Variants in GRM3 observed in about 807,000 individuals in gnomAD.
GRM3 encodes glutamate metabotropic receptor 3, also known as metabotropic glutamate receptor 3.
In GRM3, 26 loss-of-function variants were observed where a neutral mutation model predicts 70.5. That is an observed-to-expected ratio of 0.37 (90% CI 0.27 to 0.51). GRM3 has a LOEUF of 0.51. Among genes scored for constraint, GRM3 ranks in the 20% least tolerant of loss-of-function variants. The probability of loss-of-function intolerance (pLI) is 0.93; values close to 1 mark genes in which losing one functional copy is unlikely to be tolerated. For missense variants in GRM3, 859 were observed against 1,123.8 expected (o/e 0.76, Z 3.37); for synonymous variants, 443 against 434.9 (o/e 1.02, Z -0.23).
chr7:86,701,127 C>A (rs1402382275), intron 1 of GRM3, among the ~76,000 whole-genome samples: 1 of 151,716 alleles, frequency 6.6e-6, no homozygotes, highest in African/African-American at 2.4e-5. Context: ...ATAACAATAA[C>A]CTTTAGCCTA....
chr7:86,657,583 T>C (rs939199269), intron 1 of GRM3, among the ~76,000 whole-genome samples: 4 of 152,144 alleles, frequency 2.6e-5, no homozygotes, highest in African/African-American at 9.7e-5. Context: ...TCAGAGCAGA[T>C]AAAATGATGG....
At chr7:86,837,818 T>C (rs1292543924) in intron 3 of GRM3, among the ~76,000 whole-genome samples, 1 of 152,224 alleles carries the variant, frequency 6.6e-6, no homozygotes. Flanking sequence ...AAGCCTACCA[T>C]GAGTAACAGA....
intron 1 of GRM3, among the ~76,000 whole-genome samples, chr7:86,669,057 T>G (rs1794105357): frequency 6.6e-6 from 1 of 152,134 alleles, no homozygotes; most frequent in South Asian, 2.1e-4. Context: ...CATCTAAGAC[T>G]CAAGACTTTA....
chr7:86,734,266 G>T (rs781238487), intron 1 of GRM3, among the ~76,000 whole-genome samples: 16 of 152,124 alleles, frequency 1.1e-4, no homozygotes, highest in Non-Finnish European at 1.9e-4. Context: ...AGTGTATATT[G>T]TTCTAAGCCA....
At chr7:86,681,172 CATA>C (rs1474381325) in intron 1 of GRM3, among the ~76,000 whole-genome samples, 2 of 152,072 alleles carry the variant, frequency 1.3e-5, no homozygotes, top group East Asian at 1.9e-4. Flanking sequence ...TCCTGGCCAG[CATA>C]ATAAGACAAG....
intron 5 of GRM3, among the ~76,000 whole-genome samples, chr7:86,854,164 T>C (rs1306599736): frequency 2.0e-5 from 3 of 152,130 alleles, no homozygotes; most frequent in African/African-American, 7.2e-5. Context: ...TTATCAAGAA[T>C]TACAGTGACT....
At chr7:86,697,491 T>G (rs1434903053) in intron 1 of GRM3, among the ~76,000 whole-genome samples, 1 of 152,058 alleles carries the variant, frequency 6.6e-6, no homozygotes. Context: ...ACTTTGTTCC[T>G]TAAGAGAGAA....
chr7:86,856,089 G>A (rs1049955264), intron 5 of GRM3, among the ~76,000 whole-genome samples: 2 of 152,142 alleles, frequency 1.3e-5, no homozygotes, highest in South Asian at 4.1e-4. Context: ...TGCTTTCATG[G>A]AGAATATACC....
chr7:86,757,459 A>G (rs1796371731), intron 1 of GRM3, among the ~76,000 whole-genome samples: 1 of 152,186 alleles, frequency 6.6e-6, no homozygotes, highest in African/African-American at 2.4e-5. Flanking sequence ...GAGTACAGCC[A>G]GTCTTTCTAA....
At chr7:86,811,815 T>A (rs1332667464) in intron 3 of GRM3, among the ~76,000 whole-genome samples, 1 of 150,174 alleles carries the variant, frequency 6.7e-6, no homozygotes, top group African/African-American at 2.4e-5. Context: ...TTGATAATCA[T>A]CTGTATAATC....
chr7:86,651,649 A>G (rs1017023685), intron 1 of GRM3, among the ~76,000 whole-genome samples: 7 of 152,326 alleles, frequency 4.6e-5, no homozygotes, highest in Admixed American at 3.3e-4. Flanking sequence ...TGGAATCCAC[A>G]TATATGGACT....
At chr7:86,783,024 A>T (rs1350393732) in intron 2 of GRM3, among the ~76,000 whole-genome samples, 1 of 152,142 alleles carries the variant, frequency 6.6e-6, no homozygotes, top group Non-Finnish European at 1.5e-5. Context: ...CCAGTGTAGG[A>T]GTTCCTTTAT....
chr7:86,786,205 T>G lies in GRM3; in HGVS notation c.469-56T>G. On this transcript the variant is annotated intron_variant, in intron 2 of 5. Transcript: ENST00000361669. The surrounding 1 kb of genome is among the most constrained non-coding windows in gnomAD (Gnocchi z 6.0). ...GTGTGGATGCTATTATTCATTTTCA[T>G]GTCCAGTCATCTACCTCGGGGTTTC... 2.0e-6 allele frequency: 3 copies of G among 1,468,686 alleles called. No homozygotes were observed. The highest frequency in any genetic ancestry group is 2.8e-6 in the Non-Finnish European group (3 of 1,075,728). 91.0% of individuals were successfully genotyped at this position (1,468,686 alleles called of 1,614,324 possible).
At chr7:86,813,217 G>T (rs1335957650) in intron 3 of GRM3, among the ~76,000 whole-genome samples, 1 of 151,654 alleles carries the variant, frequency 6.6e-6, no homozygotes, top group Admixed American at 6.6e-5. Flanking sequence ...TAGATAAAAG[G>T]TTCATATCAG....
chr7:86,813,903 G>T (rs191739401), intron 3 of GRM3, among the ~76,000 whole-genome samples: 2 of 151,836 alleles, frequency 1.3e-5, no homozygotes, highest in East Asian at 1.9e-4. Context: ...CAGAGACAGG[G>T]TATAGAGGAA....
At chr7:86,673,991 G>A (rs77177171) in intron 1 of GRM3, among the ~76,000 whole-genome samples, 2,937 of 152,196 alleles carry the variant, frequency 0.019, 96 homozygotes, top group African/African-American at 0.067. Context: ...TTATCTGCCT[G>A]CACTAAAGTC....
intron 1 of GRM3, among the ~76,000 whole-genome samples, chr7:86,681,230 C>T (rs990525130): frequency 6.6e-6 from 1 of 152,046 alleles, no homozygotes; most frequent in African/African-American, 2.4e-5. Flanking sequence ...AGAGCTGTAA[C>T]AAAACTGATA....
intron 3 of GRM3, among the ~76,000 whole-genome samples, chr7:86,818,668 G>A (rs1298943188): frequency 6.6e-6 from 1 of 151,952 alleles, no homozygotes; most frequent in Non-Finnish European, 1.5e-5. Flanking sequence ...AGGAACAATT[G>A]GGAAAGTATC....
intron 1 of GRM3, among the ~76,000 whole-genome samples, chr7:86,742,743 T>C (rs1796017436): frequency 6.6e-6 from 1 of 152,122 alleles, no homozygotes; most frequent in African/African-American, 2.4e-5. Flanking sequence ...ATAAGAAGTA[T>C]ATTGTGATTA....
Sources: allele counts gnomAD v4.1 joint callset (sites outside exome capture counted in the v4.1 genomes callset), GRCh38; gene constraint gnomAD v4.1.1; non-coding constraint Gnocchi (gnomAD v3.1); transcripts MANE v1.5; gene names NCBI Gene and HGNC (gene_info 2026-07-23, HGNC 2026-07-21).